ADGRA1: variants seen among roughly 807,000 people sequenced by gnomAD.
The protein encoded by ADGRA1 is G-protein coupled receptor 123.
In ADGRA1, 12 loss-of-function variants were observed where a neutral mutation model predicts 21.3. The ratio of observed to expected loss-of-function variants is 0.56; its 90% CI spans 0.36 to 0.91. The LOEUF (loss-of-function observed/expected upper bound fraction) is 0.91. Ranked by LOEUF, ADGRA1 falls within the 40% of genes least tolerant of loss-of-function variation. The probability of loss-of-function intolerance (pLI) is 0.01; values close to 1 mark genes in which losing one functional copy is unlikely to be tolerated. For synonymous variants in ADGRA1, 385 were observed against 368.8 expected (o/e 1.04, Z -0.50); for missense variants, 790 against 805.6 (o/e 0.98, Z 0.23).
chr10:133,109,048 A>C (rs1851942165), intron 5 of ADGRA1, among the ~76,000 whole-genome samples: 9 of 139,562 alleles, frequency 6.4e-5, no homozygotes, highest in African/African-American at 1.1e-4. Context: ...CCCCAGCTCC[A>C]CCCCTCCCCT....
chr10:133,088,020 G>C lies in ADGRA1; in HGVS notation c.-321G>C. 1 of 985,078 alleles carries C rather than the reference G, an allele frequency of 1.0e-6. No homozygotes were observed. The highest frequency in any genetic ancestry group is 1.2e-6 in the Non-Finnish European group (1 of 829,806). The allele number at this position is 985,078 out of a possible 1,614,324, so 61.0% of individuals were successfully genotyped here. ...CAGCCCCGCAATCTGTTGATAACTC[G>C]GTCCCAGCTCGGCCGCTGCCCTCGC... is the stretch of plus-strand genomic sequence containing the variant. On this transcript the variant is annotated 5_prime_UTR_variant, in exon 1 of 7. Transcript: ENST00000392607.
In ADGRA1 at chr10:133,129,060, C is replaced by G. The variant is rs1455955102; in HGVS notation, c.1232C>G (p.Pro411Arg). ...GAGGAGGGCGCCTTCGGGCACGACC[C>G]CCACCTGCACGGGTGCCTTCAGGGC... ...LQEEGAFGHD[P>R]HLHGCLQGRT... Residue 411 changes from proline to arginine, a missense_variant, in exon 7 of 7, where the codon CCC becomes CGC. Physicochemically the swap from Pro to Arg is moderately radical, Grantham distance 103. Coordinates refer to ENST00000392607, the MANE Select transcript of ADGRA1 (RefSeq NM_001083909.3). 3 of 1,552,062 alleles carry G rather than the reference C, an allele frequency of 1.9e-6. No homozygotes were observed. Among genetic ancestry groups the G allele is most frequent in the African/African-American group, 2.7e-5 (2 of 73,418 alleles).
At chr10:133,110,166 G>A (rs771688920) in intron 5 of ADGRA1, among the ~76,000 whole-genome samples, 10 of 152,358 alleles carry the variant, frequency 6.6e-5, no homozygotes, top group African/African-American at 1.9e-4. Flanking sequence ...CCTGGGAGAC[G>A]GCAGGTGGGG....
chr10:133,100,926 G>A (rs954331942), intron 4 of ADGRA1, among the ~76,000 whole-genome samples: 8 of 152,324 alleles, frequency 5.3e-5, no homozygotes, highest in East Asian at 1.9e-4. Context: ...GGCAGGGGCC[G>A]CAGTGGCTGC....
intron 5 of ADGRA1, among the ~76,000 whole-genome samples, chr10:133,122,191 C>G (rs1482338407): frequency 6.6e-6 from 1 of 152,242 alleles, no homozygotes; most frequent in East Asian, 1.9e-4. Flanking sequence ...CTCAGAAGGG[C>G]TGCCCTGGGT....
At chr10:133,126,254 T>G (rs557322597) in intron 5 of ADGRA1, among the ~76,000 whole-genome samples, 18 of 152,382 alleles carry the variant, frequency 1.2e-4, no homozygotes, top group African/African-American at 4.3e-4. Context: ...CTGTTAGTTT[T>G]ATTTTTATCA....
intron 2 of ADGRA1, among the ~76,000 whole-genome samples, chr10:133,090,471 A>G (rs983455529): frequency 6.6e-6 from 1 of 152,200 alleles, no homozygotes; most frequent in African/African-American, 2.4e-5. Flanking sequence ...TGCACCTGAG[A>G]AAATCTCTGA....
In ADGRA1 at chr10:133,110,624, G is replaced by A. The variant is rs1851971379; in HGVS notation, c.401+7782G>A. Among the ~76,000 whole-genome samples the A allele has an allele frequency of 2.0e-5, 3 of 152,232 alleles. No homozygotes were observed. The South Asian group carries it at 6.2e-4, about 31-fold the overall frequency. ...GAAGAAAGAAAGCCTGAGAGAGAGA[G>A]AGTCGGTAAGAAATATAAAGAAATA... On this transcript the variant is annotated intron_variant, in intron 5 of 6. Transcript: ENST00000392607.
intron 4 of ADGRA1, 25 bp downstream of exon 4, chr10:133,098,788 G>C: frequency 6.2e-7 from 1 of 1,604,370 alleles, no homozygotes; most frequent in Non-Finnish European, 8.5e-7. Flanking sequence ...GCCCTCGTTG[G>C]CTCCTCCCAG....
chr10:133,117,456 CT>C (rs1852180854), intron 5 of ADGRA1, among the ~76,000 whole-genome samples: 1 of 152,318 alleles, frequency 6.6e-6, no homozygotes, highest in African/African-American at 2.4e-5. Context: ...GACCTGCCCC[CT>C]GGGAGGTCCG....
intron 5 of ADGRA1, among the ~76,000 whole-genome samples, chr10:133,114,179 A>G (rs1852113503): frequency 6.6e-6 from 1 of 152,196 alleles, no homozygotes; most frequent in Non-Finnish European, 1.5e-5. Flanking sequence ...AGCTCCCCTG[A>G]GCAGGAGCAG....
At chr10:133,105,041 C>T (rs11101931) in intron 5 of ADGRA1, among the ~76,000 whole-genome samples, 29,988 of 152,248 alleles carry the variant, frequency 0.2, 3,577 homozygotes, top group East Asian at 0.55. Flanking sequence ...AGAGAAGCCC[C>T]TCCCAGCGGC....
chr10:133,089,554 C>T (rs1489427761), intron 2 of ADGRA1, among the ~76,000 whole-genome samples: 1 of 152,214 alleles, frequency 6.6e-6, no homozygotes, highest in African/African-American at 2.4e-5. Flanking sequence ...GAAGGGCTGA[C>T]AGCTGAGTGA....
intron 5 of ADGRA1, among the ~76,000 whole-genome samples, chr10:133,105,359 G>A (rs59572060): frequency 0.024 from 3,633 of 152,204 alleles, 137 homozygotes; most frequent in African/African-American, 0.081. Context: ...CCCCGTCCCC[G>A]GCCCAGCTCT....
At chr10:133,092,841 GA>G (rs1459563901) in intron 2 of ADGRA1, among the ~76,000 whole-genome samples, 17 of 144,904 alleles carry the variant, frequency 1.2e-4, no homozygotes, top group Middle Eastern at 3.5e-3. Flanking sequence ...GGGAGGGAGG[GA>G]AGGAAGGAAG....
chr10:133,128,255 C>T (rs1852420521), intron 6 of ADGRA1, 74 bp from the exon 7 acceptor site: 1 of 1,177,510 alleles, frequency 8.5e-7, no homozygotes, highest in South Asian at 1.6e-5. Context: ...GGTGCAGGGC[C>T]CTTTGCTCTG....
chr10:133,103,088 G>A (rs1055627429), intron 5 of ADGRA1, among the ~76,000 whole-genome samples: 1 of 152,002 alleles, frequency 6.6e-6, no homozygotes, highest in South Asian at 2.1e-4. Flanking sequence ...GGCAGAGGGG[G>A]CCCTGAGGGT....
At chr10:133,118,285 G>A (rs1463053184) in intron 5 of ADGRA1, among the ~76,000 whole-genome samples, 7 of 152,164 alleles carry the variant, frequency 4.6e-5, no homozygotes, top group African/African-American at 7.2e-5. Flanking sequence ...AGGTACGTAC[G>A]TTGTTTCTTT....
At chr10:133,114,677 A>T (rs887182481) in intron 5 of ADGRA1, among the ~76,000 whole-genome samples, 1 of 152,202 alleles carries the variant, frequency 6.6e-6, no homozygotes, top group Non-Finnish European at 1.5e-5. Context: ...CTTGGATCCT[A>T]GCAGGAATTC....
Sources: gnomAD v4.1 joint callset for allele counts (sites outside exome capture counted in the v4.1 genomes callset) on GRCh38, gnomAD v4.1.1 for gene constraint, MANE v1.5 for transcripts, NCBI Gene and HGNC (gene_info 2026-07-23, HGNC 2026-07-21) for gene names.